Variants in SLC25A3 observed in about 807,000 individuals in gnomAD.
SLC25A3 encodes phosphate transport protein.
Under a neutral mutation model 37.1 loss-of-function variants are expected in SLC25A3, and 14 were observed. That is an observed-to-expected ratio of 0.38 (90% CI 0.25 to 0.59). The LOEUF (loss-of-function observed/expected upper bound fraction) is 0.59, where lower values mean the gene tolerates loss of function less well. Ranked by LOEUF, SLC25A3 falls within the 20% of genes least tolerant of loss-of-function variation. The probability of loss-of-function intolerance (pLI) is 0.67; values close to 1 mark genes in which losing one functional copy is unlikely to be tolerated. For missense variants in SLC25A3, 385 were observed against 458.1 expected, an observed-to-expected ratio of 0.84 and a Z score of 1.46; for synonymous variants, 161 against 168.7, an observed-to-expected ratio of 0.95 and a Z score of 0.36.
At chr12:98,594,371 C>G in intron 2 of SLC25A3, 1 of 701,532 alleles carries the variant, frequency 1.4e-6, no homozygotes, top group Middle Eastern at 2.5e-4. Flanking sequence ...TTCGTGACCT[C>G]CGTGTGCCCG....
Position 98,593,712 on chromosome 12 carries a change from G to C in SLC25A3, c.-33G>C. 1.8e-6 allele frequency: 1 copy of C among 562,960 alleles called. No homozygotes were observed. The highest frequency in any genetic ancestry group is 3.0e-5 in the East Asian group (1 of 32,816). 34.9% of individuals were successfully genotyped at this position (562,960 alleles called of 1,614,324 possible). A position where few individuals can be genotyped will look rare whatever the true frequency, so the allele number is the denominator to read the frequency against. Reference sequence around the variant, plus strand: ...TCTGTGAGCCGCAACCTTTCCAAGGGAGTGGTTGTGTGATCGCCATCTTAG... The same window carrying C: ...TCTGTGAGCCGCAACCTTTCCAAGGCAGTGGTTGTGTGATCGCCATCTTAG... On this transcript the variant is annotated 5_prime_UTR_variant, in exon 1 of 8. Transcript: ENST00000552981.
intron 1 of SLC25A3, 98 bp from the exon 2 acceptor site, chr12:98,593,877 G>A (rs1205795625): frequency 1.2e-5 from 16 of 1,375,092 alleles, no homozygotes; most frequent in African/African-American, 1.4e-5. Context: ...CAAGGGCGTG[G>A]AGACGGGAAG....
At chr12:98,599,795 C>T (rs759552424) in intron 5 of SLC25A3, 160 bp from the exon 6 acceptor site, 4 of 839,922 alleles carry the variant, frequency 4.8e-6, no homozygotes, top group Admixed American at 3.4e-5. Flanking sequence ...GAGAAATATA[C>T]CTGCATGTTA....
Position 98,598,578 on chromosome 12 carries a change from A to G in SLC25A3, c.516A>G (p.Glu172=), listed in dbSNP as rs148162477. 1.2e-5 allele frequency: 20 copies of G among 1,613,790 alleles called. No homozygotes were observed. The African/African-American group carries it at 2.7e-4, about 22-fold the overall frequency. Residue 172 remains glutamate, a synonymous_variant, in exon 5 of 8, where the codon GAA becomes GAG. Transcript: ENST00000552981. ...SLYLAASASA[E]FFADIALAPM... is the part of the protein sequence containing the mutation. The stretch of plus-strand genomic sequence containing the variant: ...ATTTGGCTGCCTCTGCCAGTGCTGA[A>G]TTCTTTGCTGACATTGCCCTGGCTC...
intron 5 of SLC25A3, among the ~76,000 whole-genome samples, chr12:98,599,310 C>T (rs1221393954): frequency 6.6e-6 from 1 of 152,196 alleles, no homozygotes; most frequent in Non-Finnish European, 1.5e-5. Context: ...GCCTCGGCCT[C>T]CCAAAGTGCT....
chr12:98,601,264 A>G lies in SLC25A3; in HGVS notation c.908A>G (p.Lys303Arg), dbSNP rs777613085. The part of the protein sequence containing the change: ...EKGSSASLVL[K>R]RLGFKGVWKG... Reference sequence around the variant, plus strand: ...GGTAGCAGTGCTTCTCTGGTCCTCAAGAGACTTGGATTTAAAGGTAGGATG... The same window carrying G: ...GGTAGCAGTGCTTCTCTGGTCCTCAGGAGACTTGGATTTAAAGGTAGGATG... Residue 303 changes from lysine (K) to arginine (R), a missense_variant, in exon 7 of 8, where the codon AAG (lysine) becomes AGG (arginine). Transcript: ENST00000552981. 3.1e-6 allele frequency: 5 copies of G among 1,614,138 alleles called. No homozygotes were observed. Among genetic ancestry groups the G allele is most frequent in the East Asian group, 2.2e-5 (1 of 44,880 alleles).
Position 98,600,093 on chromosome 12 carries a change from G to A in SLC25A3, c.780G>A (p.Glu260=). 6.2e-7 allele frequency: 1 copy of A among 1,613,816 alleles called. No individual in the cohort carries two copies. The highest frequency in any genetic ancestry group is 8.5e-7 in the Non-Finnish European group (1 of 1,179,648). Residue 260 remains glutamate (E), a synonymous_variant, in exon 6 of 8, where the codon GAG becomes GAA. Coordinates refer to ENST00000552981, the MANE Select transcript of SLC25A3 (RefSeq NM_002635.4). ...CCCGCAGTGAATGTTCAAAGCCAGA[G>A]CAGCTGGTTGTAACATTTGTAGCAG... ...PKPRSECSKP[E]QLVVTFVAGY... is the part of the protein sequence containing the mutation.
In SLC25A3 at chr12:98,594,108, C is replaced by G. The variant is rs1044154623; in HGVS notation, c.130C>G (p.Arg44Gly). Residue 44 changes from arginine (R) to glycine (G), a missense_variant, in exon 2 of 8, where the codon CGC becomes GGC. Physicochemically the swap from Arg to Gly is moderately radical, Grantham distance 125. This residue lies in a region of SLC25A3 where 109 missense variants were observed against 90.5 expected (regional missense o/e 1.20). Coordinates refer to ENST00000552981, the MANE Select transcript of SLC25A3 (RefSeq NM_002635.4). ...GCCCACGGGCCAGCCCCGCCGCCCTCGCAACCTGGCAGCCGCCGCCGTGGA... is the reference window on the plus strand; with the variant it reads ...GCCCACGGGCCAGCCCCGCCGCCCTGGCAACCTGGCAGCCGCCGCCGTGGA... Reference protein sequence around the residue: ...PGPTGQPRRPRNLAAAAVEEY... With the variant: ...PGPTGQPRRPGNLAAAAVEEY... 3.1e-6 allele frequency: 5 copies of G among 1,611,658 alleles called. No individual in the cohort carries two copies. The highest frequency in any genetic ancestry group is 2.7e-5 in the African/African-American group (2 of 75,026).
At chr12:98,600,924 C>A in intron 6 of SLC25A3, 1 of 427,868 alleles carries the variant, frequency 2.3e-6, no homozygotes. Flanking sequence ...CTTACTGTTG[C>A]ACCATTTTTT....
chr12:98,597,840 C>A lies in SLC25A3; in HGVS notation c.280-16C>A, dbSNP rs747042248. 1.3e-5 allele frequency: 21 copies of A among 1,593,526 alleles called. No homozygotes were observed. The South Asian group carries it at 2.2e-4, about 17-fold the overall frequency. ...GTTTGGTGCATTTAATTTTTTTTTT[C>A]TTGTTTTAAATAAAGGTGGACCCCC... On this transcript the variant is annotated splice_polypyrimidine_tract_variant and intron_variant, in intron 3 of 7. Coordinates refer to ENST00000552981, the MANE Select transcript of SLC25A3 (RefSeq NM_002635.4).
Position 98,602,333 on chromosome 12 carries a change from T to A in SLC25A3, c.*805T>A, listed in dbSNP as rs2097598571. 1 of 152,326 alleles carries A rather than the reference T, an allele frequency of 6.6e-6. No individual in the cohort carries two copies. Among genetic ancestry groups the A allele is most frequent in the Non-Finnish European group, 1.5e-5 (1 of 68,172 alleles). 9.4% of individuals were successfully genotyped at this position (152,326 alleles called of 1,614,324 possible). A position where few individuals can be genotyped will look rare whatever the true frequency, so the allele number is the denominator to read the frequency against. ...GCATGTGCCACCACGCCCAGCTAAT[T>A]TTGTATTTTTAGTAGAGACGGGGTT... On this transcript the variant is annotated 3_prime_UTR_variant, in exon 8 of 8. Coordinates refer to ENST00000552981, the MANE Select transcript of SLC25A3 (RefSeq NM_002635.4).
At chr12:98,601,335 A>G (rs540225660) in intron 7 of SLC25A3, 33 bp from the exon 8 acceptor site, 105 of 1,613,858 alleles carry the variant, frequency 6.5e-5, no homozygotes, top group Non-Finnish European at 8.7e-5. Flanking sequence ...GATATGTTGC[A>G]TTTTTTTCAT....
At chr12:98,597,167 A>ATT (rs1164042312) in intron 3 of SLC25A3, among the ~76,000 whole-genome samples, 1 of 152,134 alleles carries the variant, frequency 6.6e-6, no homozygotes, top group Non-Finnish European at 1.5e-5. Context: ...TTTTGTTGAA[A>ATT]TTTTACCCTC....
chr12:98,599,405 A>G (rs1330892389), intron 5 of SLC25A3, among the ~76,000 whole-genome samples: 2 of 152,170 alleles, frequency 1.3e-5, no homozygotes, highest in African/African-American at 2.4e-5. Flanking sequence ...AAAGACTATT[A>G]TAACATTTAA....
In SLC25A3 at chr12:98,601,561, T is replaced by C. The variant is rs549662957; in HGVS notation, c.*33T>C. 8 of 1,351,806 alleles carry C rather than the reference T, an allele frequency of 5.9e-6. No homozygotes were observed. The South Asian group carries it at 9.3e-5, about 16-fold the overall frequency. The allele number at this position is 1,351,806 out of a possible 1,614,324, so 83.7% of individuals were successfully genotyped here. A position where few individuals can be genotyped will look rare whatever the true frequency, so the allele number is the denominator to read the frequency against. ...AAAGCAAATGTGGACTGAATCTGCT[T>C]GTTGATCAGTGTTGAAGAAAGTGCA... On this transcript the variant is annotated 3_prime_UTR_variant, in exon 8 of 8. Coordinates refer to ENST00000552981, the MANE Select transcript of SLC25A3 (RefSeq NM_002635.4).
At position 98,605,869 on chromosome 12, in the gene SLC25A3, A is replaced by T. The variant is rs2097600945; in HGVS notation, c.*4341A>T. On this transcript the variant is annotated 3_prime_UTR_variant, in exon 8 of 8. Transcript: ENST00000552981. ...CACAGTGGCTCATACCCGTAATCCC[A>T]GCACTTTGGGAGGCCCAGGCTGGGT... is the stretch of plus-strand genomic sequence containing the variant. The T allele has an allele frequency of 6.6e-6, 1 of 152,050 alleles. No homozygotes were observed. The highest frequency in any genetic ancestry group is 6.6e-5 in the Admixed American group (1 of 15,258). The allele number at this position is 152,050 out of a possible 1,614,324, so 9.4% of individuals were successfully genotyped here. A position where few individuals can be genotyped will look rare whatever the true frequency, so the allele number is the denominator to read the frequency against.
chr12:98,603,834 G>C lies in SLC25A3; in HGVS notation c.*2306G>C, dbSNP rs947472464. 3.9e-5 allele frequency: 6 copies of C among 152,106 alleles called. No individual in the cohort carries two copies. The highest frequency in any genetic ancestry group is 8.8e-5 in the Non-Finnish European group (6 of 68,032). 9.4% of individuals were successfully genotyped at this position (152,106 alleles called of 1,614,324 possible). A position where few individuals can be genotyped will look rare whatever the true frequency, so the allele number is the denominator to read the frequency against. On this transcript the variant is annotated 3_prime_UTR_variant, in exon 8 of 8. Coordinates refer to ENST00000552981, the MANE Select transcript of SLC25A3 (RefSeq NM_002635.4). Reference sequence around the variant, plus strand: ...AAAGTGATGCGAATTCTCATTTCAGGTTTTTAAATTATACTAAAAGATTCT... The same window carrying C: ...AAAGTGATGCGAATTCTCATTTCAGCTTTTTAAATTATACTAAAAGATTCT...
chr12:98,594,432 C>T, intron 2 of SLC25A3: 1 of 688,464 alleles, frequency 1.5e-6, no homozygotes, highest in Non-Finnish European at 2.7e-6. Context: ...CTCGCTTGGT[C>T]AGCAAACTAA....
In SLC25A3 at chr12:98,601,506, A is replaced by AGAAGCTCG. The variant is rs2097597879; in HGVS notation, c.1070_1071insCGGAAGCT (p.Leu359SerfsTer4). The AGAAGCTCG allele has an allele frequency of 6.2e-7, 1 of 1,613,360 alleles. No homozygotes were observed. Among genetic ancestry groups the AGAAGCTCG allele is most frequent in the Non-Finnish European group, 8.5e-7 (1 of 1,179,398 alleles). On this transcript the variant is annotated frameshift_variant, in exon 8 of 8. Transcript: ENST00000552981. LOFTEE classifies it high-confidence loss of function. The stretch of plus-strand genomic sequence containing the variant: ...CCCGAGATGCCAGAGTCTCTGAAGA[A>AGAAGCTCG]GAAGCTTGGGTTAACTCAGTAGTTA...
Sources: allele counts gnomAD v4.1 joint callset (sites outside exome capture counted in the v4.1 genomes callset), GRCh38; gene constraint gnomAD v4.1.1; regional missense constraint gnomAD v4.1.1; transcripts MANE v1.5; gene names NCBI Gene and HGNC (gene_info 2026-07-23, HGNC 2026-07-21).